Variants in SLC43A2 observed in about 807,000 individuals in gnomAD.
SLC43A2 encodes the protein solute carrier family 43 member 2.
Under a neutral mutation model 63.2 loss-of-function variants are expected in SLC43A2, and 38 were observed. That is an observed-to-expected ratio of 0.60 (90% confidence interval 0.46 to 0.79). SLC43A2 has a LOEUF of 0.79. Among genes scored for constraint, SLC43A2 ranks in the 30% least tolerant of loss-of-function variants. The pLI, the probability that SLC43A2 is intolerant of heterozygous loss-of-function variation, is 0.00. For synonymous variants in SLC43A2, 322 were observed against 331.0 expected (o/e 0.97, Z 0.30); for missense variants, 644 against 756.2 (o/e 0.85, Z 1.74).
intron 9 of SLC43A2, among the ~76,000 whole-genome samples, chr17:1,586,482 G>A (rs999284682): frequency 6.6e-5 from 10 of 152,128 alleles, no homozygotes. Context: ...GGATCACGAG[G>A]TCAGGAGTTC....
At chr17:1,584,672 T>A (rs929597545) in intron 10 of SLC43A2, among the ~76,000 whole-genome samples, 137 of 152,014 alleles carry the variant, frequency 9.0e-4, no homozygotes, top group Admixed American at 2.4e-3. Flanking sequence ...TTAAAAAAAT[T>A]AGCCGGGCGT....
chr17:1,605,059 TCCTGACTCACCA>T lies in SLC43A2; in HGVS notation c.501+8124_501+8135del, dbSNP rs149487317. 280,785 of 1,405,158 alleles carry T rather than the reference TCCTGACTCACCA, an allele frequency of 0.2. 29,803 individuals are homozygous for T. Among genetic ancestry groups the T allele is most frequent in the Non-Finnish European group, 0.22 (235,697 of 1,079,802 alleles). The allele number at this position is 1,405,158 out of a possible 1,614,324, so 87.0% of individuals were successfully genotyped here. A position where few individuals can be genotyped will look rare whatever the true frequency, so the allele number is the denominator to read the frequency against. ...TGCCAAGCAGGAAGCCGGAGCTGTT[TCCTGACTCACCA>T]CCACACTCACAGGTGGGAGTGCAAG... On this transcript the variant is annotated intron_variant, in intron 5 of 13. Coordinates refer to ENST00000301335, the MANE Select transcript of SLC43A2 (RefSeq NM_152346.3). The surrounding 1 kb of genome is among the most constrained non-coding windows in gnomAD (Gnocchi z 4.9).
At position 1,578,231 on chromosome 17, in the gene SLC43A2, T is replaced by G; in HGVS notation, c.1424+19A>C. ...CCACACCCTCGCCCACCAGGCCACCTGCGGCTTCCAGGACTTACACGGCAG... is the reference window on the plus strand; with the variant it reads ...CCACACCCTCGCCCACCAGGCCACCGGCGGCTTCCAGGACTTACACGGCAG... On this transcript the variant is annotated intron_variant, in intron 12 of 13. Transcript: ENST00000301335. This position sits in a 1 kb window ranked among gnomAD's most constrained non-coding sequence, Gnocchi z 6.5. The G allele has an allele frequency of 6.2e-7, 1 of 1,610,354 alleles. No individual in the cohort carries two copies. The highest frequency in any genetic ancestry group is 8.5e-7 in the Non-Finnish European group (1 of 1,177,140).
At chr17:1,581,456 G>A (rs1430967816) in intron 11 of SLC43A2, among the ~76,000 whole-genome samples, 3 of 152,196 alleles carry the variant, frequency 2.0e-5, no homozygotes, top group Non-Finnish European at 4.4e-5. Context: ...TCCACGGCCC[G>A]CTGCGCTCTG....
chr17:1,602,160 C>A (rs1199205722), intron 5 of SLC43A2, among the ~76,000 whole-genome samples: 1 of 152,160 alleles, frequency 6.6e-6, no homozygotes, highest in Non-Finnish European at 1.5e-5. Context: ...ATAGCAAGGT[C>A]TCCTTCAGCT....
chr17:1,621,825 C>T (rs914056614), intron 2 of SLC43A2, among the ~76,000 whole-genome samples: 2 of 152,222 alleles, frequency 1.3e-5, no homozygotes, highest in African/African-American at 4.8e-5. Flanking sequence ...TCTTACCACT[C>T]GGTCTGTGCC....
chr17:1,602,132 C>T (rs541416140), intron 5 of SLC43A2, among the ~76,000 whole-genome samples: 1 of 152,174 alleles, frequency 6.6e-6, no homozygotes, highest in Non-Finnish European at 1.5e-5. Flanking sequence ...CAAGGGTGCA[C>T]AAGCGGCAGG....
At chr17:1,616,267 A>AT (rs1404109190) in intron 3 of SLC43A2, 1 of 408,332 alleles carries the variant, frequency 2.4e-6, no homozygotes, top group Non-Finnish European at 4.4e-6. Flanking sequence ...GGAAACCCCA[A>AT]TTATCATGCT....
intron 8 of SLC43A2, 21 bp from the exon 9 acceptor site, chr17:1,590,969 G>A (rs1292580248): frequency 6.5e-7 from 1 of 1,547,976 alleles, no homozygotes; most frequent in African/African-American, 1.4e-5. Context: ...AGGGTGCGGG[G>A]CTCAGGGCCG....
chr17:1,625,321 G>A (rs1158921742), intron 2 of SLC43A2, among the ~76,000 whole-genome samples: 3 of 152,218 alleles, frequency 2.0e-5, no homozygotes, highest in Non-Finnish European at 4.4e-5. Context: ...ATTCTGGCTG[G>A]AGTCGTAAGA....
intron 9 of SLC43A2, chr17:1,586,928 T>TACCC: frequency 8.1e-7 from 1 of 1,232,916 alleles, no homozygotes; most frequent in Admixed American, 2.2e-5. Context: ...TCCCTGACAA[T>TACCC]CCCCCCCACC....
chr17:1,580,031 A>T (rs574626561), intron 11 of SLC43A2, among the ~76,000 whole-genome samples: 1 of 151,884 alleles, frequency 6.6e-6, no homozygotes, highest in Non-Finnish European at 1.5e-5. Context: ...GATTCAAGCA[A>T]TTCTCCTGCC....
In SLC43A2 at chr17:1,593,253, C is replaced by A; in HGVS notation, c.528G>T (p.Arg176=). The A allele has an allele frequency of 6.2e-7, 1 of 1,613,938 alleles. No individual in the cohort carries two copies. The highest frequency in any genetic ancestry group is 1.1e-5 in the South Asian group (1 of 91,018). The change falls in exon 6 of 14, where the codon CGG becomes CGT. Residue 176 remains arginine (R), a synonymous_variant. Coordinates refer to ENST00000301335, the MANE Select transcript of SLC43A2 (RefSeq NM_152346.3). This position sits in a 1 kb window ranked among gnomAD's most constrained non-coding sequence, Gnocchi z 5.3. ...CAATCATCAAGGCAATAAACGTGGACCGAAGGTCGCCGAACATGTTGGGCA... is the reference window on the plus strand; with the variant it reads ...CAATCATCAAGGCAATAAACGTGGAACGAAGGTCGCCGAACATGTTGGGCA... ...LTLPNMFGDL[R]STFIALMIGS... is the part of the protein sequence containing the mutation.
intron 9 of SLC43A2, chr17:1,586,950 C>T (rs1301950767): frequency 3.5e-5 from 54 of 1,528,964 alleles, no homozygotes; most frequent in Middle Eastern, 3.3e-4. Flanking sequence ...CCCGCTTACC[C>T]GTGGCCATCA....
In SLC43A2 at chr17:1,590,935, G is replaced by A. The variant is rs369567473; in HGVS notation, c.945C>T (p.Phe315=). 5.2e-6 allele frequency: 8 copies of A among 1,550,502 alleles called. No homozygotes were observed. In the African/African-American group the frequency reaches 1.1e-4, roughly 21 times the overall value. The change falls in exon 9 of 14, where the codon TTC becomes TTT. Residue 315 remains phenylalanine (F), a synonymous_variant. Transcript: ENST00000301335. The part of the protein sequence containing the change: ...CQPDAAVAPS[F]MHSVFSPILL... ...GGATGGGGCTGAACACGCTGTGCAT[G>A]AAGGAGGGGGCCACTGCAGGGAGAG...
In SLC43A2 at chr17:1,578,329, G is replaced by A; in HGVS notation, c.1351-6C>T. 1.9e-6 allele frequency: 3 copies of A among 1,613,598 alleles called. No homozygotes were observed. Among genetic ancestry groups the A allele is most frequent in the Non-Finnish European group, 2.5e-6 (3 of 1,179,818 alleles). ...TGCAGGATGAAGGAGAGGATCTGGG[G>A]GAGGAAAAGGCGACTGTGGGCATAA... On this transcript the variant is annotated splice_polypyrimidine_tract_variant and splice_region_variant and intron_variant, in intron 11 of 13. Transcript: ENST00000301335. This position sits in a 1 kb window ranked among gnomAD's most constrained non-coding sequence, Gnocchi z 6.5.
At chr17:1,615,169 G>C in intron 3 of SLC43A2, 135 bp from the exon 4 acceptor site, 1 of 974,074 alleles carries the variant, frequency 1.0e-6, no homozygotes, top group Non-Finnish European at 1.6e-6. Flanking sequence ...GTGCAGTGGC[G>C]CGATCTCGGC....
rs1352417777 is a variant in SLC43A2 at position 1,583,027 on chromosome 17, C to T, written c.1350+177G>A. Among the ~76,000 whole-genome samples, 1 of 151,762 alleles carries T rather than the reference C, an allele frequency of 6.6e-6. No individual in the cohort carries two copies. The highest frequency in any genetic ancestry group is 2.4e-5 in the African/African-American group (1 of 41,264). ...CCAGGAGGCTGAGGTTGCAGTGAGC[C>T]GAGATCACACCACTGCACTCCAGCC... On this transcript the variant is annotated intron_variant, in intron 11 of 13. Transcript: ENST00000301335. The surrounding 1 kb of genome is among the most constrained non-coding windows in gnomAD (Gnocchi z 5.5).
At chr17:1,617,786 C>T (rs1184762243) in intron 2 of SLC43A2, among the ~76,000 whole-genome samples, 7 of 152,170 alleles carry the variant, frequency 4.6e-5, no homozygotes, top group South Asian at 2.1e-4. Flanking sequence ...GGTGTGTTTG[C>T]CACACCCAGC....
Sources: gnomAD v4.1 joint callset for allele counts (sites outside exome capture counted in the v4.1 genomes callset) on GRCh38, gnomAD v4.1.1 for gene constraint, Gnocchi (gnomAD v3.1) non-coding constraint, MANE v1.5 for transcripts, NCBI Gene and HGNC (gene_info 2026-07-23, HGNC 2026-07-21) for gene names.